Variants in NCOA7 observed in about 807,000 individuals in gnomAD.
NCOA7 encodes 140 kDa estrogen receptor-associated protein.
A neutral mutation model predicts 104.3 loss-of-function variants in NCOA7; 45 were observed. The ratio of observed to expected loss-of-function variants is 0.43; its 90% CI spans 0.34 to 0.55. NCOA7 has a LOEUF of 0.55. NCOA7 is among the 20% of genes least tolerant of loss of function. The probability of loss-of-function intolerance (pLI) is 0.02; values close to 1 mark genes in which losing one functional copy is unlikely to be tolerated. For missense variants in NCOA7, 1,041 were observed against 1,119.7 expected (o/e 0.93, Z 1.00); for synonymous variants, 398 against 402.3 (o/e 0.99, Z 0.13).
intron 3 of NCOA7, among the ~76,000 whole-genome samples, chr6:125,869,329 C>G (rs77117103): frequency 2.0e-5 from 3 of 152,270 alleles, no homozygotes; most frequent in Admixed American, 6.5e-5. Context: ...AGTCTTCCCC[C>G]CCACCAGCAT....
chr6:125,785,589 G>T (rs1774429290), intron 1 of NCOA7, among the ~76,000 whole-genome samples: 1 of 151,778 alleles, frequency 6.6e-6, no homozygotes. Context: ...ACCACATAAT[G>T]TCACTTTTTT....
chr6:125,851,817 T>C (rs139895396), intron 2 of NCOA7, among the ~76,000 whole-genome samples: 42 of 152,316 alleles, frequency 2.8e-4, no homozygotes, highest in African/African-American at 1.0e-3. Context: ...TTCATTGTGG[T>C]TTTTATTTGT....
chr6:125,854,908 T>C, intron 2 of NCOA7, 112 bp from the exon 3 acceptor site: 2 of 668,218 alleles, frequency 3.0e-6, no homozygotes, highest in East Asian at 2.7e-5. Flanking sequence ...ATAAGGAAAG[T>C]GTTTTCTGTA....
At chr6:125,795,677 T>C (rs1047882485) in intron 1 of NCOA7, among the ~76,000 whole-genome samples, 2 of 152,144 alleles carry the variant, frequency 1.3e-5, no homozygotes, top group Non-Finnish European at 2.9e-5. Flanking sequence ...CCTTCTAAAC[T>C]TCCCCCTTCA....
intron 10 of NCOA7, among the ~76,000 whole-genome samples, chr6:125,901,883 A>G (rs948680129): frequency 2.0e-5 from 3 of 152,090 alleles, no homozygotes; most frequent in African/African-American, 7.3e-5. Flanking sequence ...GAGTGGGAAG[A>G]TAGTCTTCCC....
At chr6:125,869,711 C>T (rs1446065160) in intron 3 of NCOA7, among the ~76,000 whole-genome samples, 2 of 152,180 alleles carry the variant, frequency 1.3e-5, no homozygotes. Context: ...GCTGAAGCTT[C>T]CTGCAGACGC....
chr6:125,800,847 T>C (rs967284079), intron 1 of NCOA7, among the ~76,000 whole-genome samples: 1 of 152,176 alleles, frequency 6.6e-6, no homozygotes, highest in Non-Finnish European at 1.5e-5. Flanking sequence ...GCCAACATGG[T>C]GAAACCCTGT....
intron 3 of NCOA7, among the ~76,000 whole-genome samples, chr6:125,856,802 G>A (rs1366633987): frequency 6.6e-6 from 1 of 152,156 alleles, no homozygotes; most frequent in African/African-American, 2.4e-5. Flanking sequence ...ATGAAATGTG[G>A]CCTTGTAACA....
rs1788456815 is a variant in NCOA7 at position 125,931,359 on chromosome 6, C to G, written c.*2588C>G. The G allele has an allele frequency of 6.6e-6, 1 of 152,198 alleles. No individual in the cohort carries two copies. Among genetic ancestry groups the G allele is most frequent in the African/African-American group, 2.4e-5 (1 of 41,446 alleles). The allele number at this position is 152,198 out of a possible 1,614,324, so 9.4% of individuals were successfully genotyped here. ...TATCTACCAGTCTCTTCTAATCTTT[C>G]TAGCTGTGCAATGAATGACAACCTC... On this transcript the variant is annotated 3_prime_UTR_variant, in exon 16 of 16. Coordinates refer to ENST00000392477, the MANE Select transcript of NCOA7 (RefSeq NM_181782.5).
rs745613066 is a variant in NCOA7 at position 125,889,645 on chromosome 6, A to C, written c.1591A>C (p.Lys531Gln). The C allele has an allele frequency of 5.0e-6, 8 of 1,613,958 alleles. No individual in the cohort carries two copies. Among genetic ancestry groups the C allele is most frequent in the Non-Finnish European group, 6.8e-6 (8 of 1,180,012 alleles). The change falls in exon 9 of 16, where the codon AAA (lysine) becomes CAA (glutamine). Residue 531 changes from lysine to glutamine, a missense_variant. This residue lies in a region of NCOA7 where 914 missense variants were observed against 942.7 expected (regional missense o/e 0.97). Transcript: ENST00000392477. ...KLIEYYLTKN[K>Q]EGPQVSENLQ... ...CATTGAATATTACCTGACTAAGAAC[A>C]AAGAAGGGCCACAGGTATCTGAAAA...
At chr6:125,869,050 A>T (rs568354599) in intron 3 of NCOA7, among the ~76,000 whole-genome samples, 1 of 152,350 alleles carries the variant, frequency 6.6e-6, no homozygotes, top group African/African-American at 2.4e-5. Context: ...TAATAACAGA[A>T]AAAAAGGCTA....
intron 3 of NCOA7, among the ~76,000 whole-genome samples, chr6:125,858,005 A>G (rs976978778): frequency 1.3e-5 from 2 of 151,782 alleles, no homozygotes; most frequent in African/African-American, 4.8e-5. Flanking sequence ...TTCACTCTTT[A>G]CCTGACTGGC....
upstream of NCOA7, among the ~76,000 whole-genome samples, chr6:125,787,324 G>A (rs142766289): frequency 1.5e-3 from 226 of 152,300 alleles, no homozygotes; most frequent in African/African-American, 5.2e-3. Context: ...TCTTTAGATA[G>A]ATAGGTAAGA....
At chr6:125,783,172 A>T (rs1203695379) in intron 1 of NCOA7, among the ~76,000 whole-genome samples, 2 of 152,218 alleles carry the variant, frequency 1.3e-5, no homozygotes, top group African/African-American at 2.4e-5. Context: ...CTGTAAGATA[A>T]TAAATTTGTA....
chr6:125,839,001 G>A (rs1002954002), intron 2 of NCOA7, among the ~76,000 whole-genome samples: 3 of 152,076 alleles, frequency 2.0e-5, no homozygotes, highest in African/African-American at 4.8e-5. Context: ...CTTCGCAGAC[G>A]CATAGTGTGT....
chr6:125,854,414 C>T (rs917671798), intron 2 of NCOA7, among the ~76,000 whole-genome samples: 1 of 152,156 alleles, frequency 6.6e-6, no homozygotes, highest in Non-Finnish European at 1.5e-5. Flanking sequence ...AATCAGTCAG[C>T]TATCAGTAAT....
rs1190069508 is a variant in NCOA7 at position 125,865,188 on chromosome 6, G to A, written c.272-9701G>A. ...CCACTGTTGGCTAGCATGCAGCCAG[G>A]ATTCATACCCTGCCCTCTTTGGCAC... On this transcript the variant is annotated intron_variant, in intron 3 of 15. Transcript: ENST00000392477. Among the ~76,000 whole-genome samples the A allele has an allele frequency of 2.2e-5, 3 of 138,692 alleles. 1 individual carries two copies. The highest frequency in any genetic ancestry group is 3.1e-5 in the Non-Finnish European group (2 of 65,056). The allele number at this position is 138,692 out of a possible 152,430, so 91.0% of individuals were successfully genotyped here. A position where few individuals can be genotyped will look rare whatever the true frequency, so the allele number is the denominator to read the frequency against.
chr6:125,850,463 G>C (rs1781019608), intron 2 of NCOA7, among the ~76,000 whole-genome samples: 1 of 152,124 alleles, frequency 6.6e-6, no homozygotes, highest in South Asian at 2.1e-4. Context: ...AGTCTGTGTA[G>C]AAAAGGGAGA....
chr6:125,878,120 C>G, intron 4 of NCOA7, 143 bp from the exon 5 acceptor site: 1 of 439,284 alleles, frequency 2.3e-6, no homozygotes, highest in South Asian at 5.7e-5. Context: ...TAAGAATTGA[C>G]AATGTATTCA....
Sources: allele counts gnomAD v4.1 joint callset (sites outside exome capture counted in the v4.1 genomes callset), GRCh38; gene constraint gnomAD v4.1.1; regional missense constraint gnomAD v4.1.1; transcripts MANE v1.5; gene names NCBI Gene and HGNC (gene_info 2026-07-23, HGNC 2026-07-21).